Variants in HIVEP2 observed in about 807,000 individuals in gnomAD.
HIVEP2 encodes the protein HIVEP zinc finger 2.
Under a neutral mutation model 180.7 loss-of-function variants are expected in HIVEP2, and 14 were observed. The observed-to-expected ratio is 0.08, with a 90% CI of 0.05 to 0.12. HIVEP2 has a LOEUF of 0.12. Among genes scored for constraint, HIVEP2 ranks in the 10% least tolerant of loss-of-function variants. The probability of loss-of-function intolerance (pLI) is 1.00; values close to 1 mark genes in which losing one functional copy is unlikely to be tolerated. For missense variants in HIVEP2, 2,579 were observed against 3,008.5 expected (o/e 0.86, Z 3.34); for synonymous variants, 1,184 against 1,136.4 (o/e 1.04, Z -0.84).
intron 2 of HIVEP2, among the ~76,000 whole-genome samples, chr6:142,827,496 A>G (rs1377399432): frequency 6.6e-6 from 1 of 152,216 alleles, no homozygotes; most frequent in Non-Finnish European, 1.5e-5. Flanking sequence ...TGAGGACAGG[A>G]AAAGAACTGG....
chr6:142,777,648 C>CAA (rs58304452), intron 3 of HIVEP2, among the ~76,000 whole-genome samples: 5 of 27,708 alleles, frequency 1.8e-4, no homozygotes, highest in East Asian at 1.4e-3. Flanking sequence ...AACTCCATCT[C>CAA]AAAAAAAAAA....
At chr6:142,910,587 C>A (rs186057442) in intron 1 of HIVEP2, among the ~76,000 whole-genome samples, 2 of 152,146 alleles carry the variant, frequency 1.3e-5, no homozygotes, top group South Asian at 4.1e-4. Context: ...GGTGACACAG[C>A]GAGACTACGT....
chr6:142,846,126 CAA>C (rs1236415418), intron 1 of HIVEP2, among the ~76,000 whole-genome samples: 1 of 152,206 alleles, frequency 6.6e-6, no homozygotes, highest in Non-Finnish European at 1.5e-5. Context: ...GGCCAGCCGC[CAA>C]AGACGCCTGA....
chr6:142,809,627 T>C (rs944611032), intron 2 of HIVEP2, among the ~76,000 whole-genome samples: 1 of 150,118 alleles, frequency 6.7e-6, no homozygotes, highest in Non-Finnish European at 1.5e-5. Flanking sequence ...GGGGTCTCAC[T>C]CTGTCAGCCA....
rs766117774 is a variant in HIVEP2, at chr6:142,773,122, G to A, written c.1617C>T (p.Pro539=). 1.2e-5 allele frequency: 19 copies of A among 1,614,242 alleles called. No homozygotes were observed. The highest frequency in any genetic ancestry group is 1.3e-5 in the Non-Finnish European group (15 of 1,180,030). Residue 539 remains proline (P), a synonymous_variant, in exon 5 of 10, where the codon CCC becomes CCT. Transcript: ENST00000367603. ...VLLEAPVDSS[P]LIRSNSVPTS... is the part of the protein sequence containing the mutation. ...TTGGCACTGAGTTGCTTCTAATAAG[G>A]GGTGAAGAGTCTACAGGAGCTTCTA...
At chr6:142,847,365 T>C (rs1243341498) in intron 1 of HIVEP2, among the ~76,000 whole-genome samples, 3 of 151,776 alleles carry the variant, frequency 2.0e-5, no homozygotes, top group Non-Finnish European at 2.9e-5. Context: ...TATTTTAATA[T>C]AAGCAAACAC....
intron 1 of HIVEP2, among the ~76,000 whole-genome samples, chr6:142,843,693 A>G (rs1775431172): frequency 6.6e-6 from 1 of 152,214 alleles, no homozygotes; most frequent in Non-Finnish European, 1.5e-5. Flanking sequence ...GGCCTTGTTT[A>G]AAATTTGTCG....
intron 1 of HIVEP2, among the ~76,000 whole-genome samples, chr6:142,940,890 C>CCTCTGCTT (rs1778161085): frequency 6.6e-6 from 1 of 152,132 alleles, no homozygotes; most frequent in African/African-American, 2.4e-5. Context: ...GGTGAGACCC[C>CCTCTGCTT]CTCTGCTTTC....
chr6:142,756,441 CA>C (rs1775070370), intron 9 of HIVEP2, among the ~76,000 whole-genome samples: 1 of 152,138 alleles, frequency 6.6e-6, no homozygotes, highest in African/African-American at 2.4e-5. Flanking sequence ...CACGTTCTTT[CA>C]GGAACAAAAA....
intron 2 of HIVEP2, among the ~76,000 whole-genome samples, chr6:142,805,391 A>G (rs956984923): frequency 2.1e-5 from 3 of 139,574 alleles, no homozygotes; most frequent in Admixed American, 7.4e-5. Flanking sequence ...CTCAGAGAGT[A>G]TCATGGTAAT....
intron 2 of HIVEP2, among the ~76,000 whole-genome samples, chr6:142,803,566 T>TACACACACACACACACAC (rs10688831): frequency 0.019 from 2,748 of 141,638 alleles, 49 homozygotes; most frequent in African/African-American, 0.043. Context: ...ATATATAGCA[T>TACACACACACACACACAC]ACACACACAC....
At chr6:142,842,401 C>T (rs1253928296) in intron 1 of HIVEP2, among the ~76,000 whole-genome samples, 1 of 151,622 alleles carries the variant, frequency 6.6e-6, no homozygotes, top group African/African-American at 2.4e-5. Context: ...TTTACATAAC[C>T]GATATGGTAC....
chr6:142,899,679 C>T lies in HIVEP2; in HGVS notation c.-641+45420G>A, dbSNP rs182147851. Among the ~76,000 whole-genome samples the T allele has an allele frequency of 3.0e-3, 454 of 152,302 alleles. 1 individual carries two copies. The highest frequency in any genetic ancestry group is 0.01 in the African/African-American group (424 of 41,558). ...TATCTTTGTAAACTCTACGAGAGTG[C>T]AGCTCAAAGTGTAAGGCTGAAAACA... On this transcript the variant is annotated intron_variant, in intron 1 of 9. Coordinates refer to ENST00000367603, the MANE Select transcript of HIVEP2 (RefSeq NM_006734.4).
intron 1 of HIVEP2, among the ~76,000 whole-genome samples, chr6:142,893,267 T>A (rs375783150): frequency 6.6e-6 from 1 of 152,208 alleles, no homozygotes; most frequent in East Asian, 1.9e-4. Flanking sequence ...GTTTAGAGAG[T>A]AAATGAGGTC....
At chr6:142,867,227 A>G (rs1374745718) in intron 1 of HIVEP2, among the ~76,000 whole-genome samples, 4 of 151,872 alleles carry the variant, frequency 2.6e-5, no homozygotes, top group Admixed American at 2.6e-4. Context: ...TTTTCTTTGC[A>G]TGCTATTAAG....
rs200784689 is a variant in HIVEP2, at chr6:142,793,594, TC to T, written c.-527-9980del. Among the ~76,000 whole-genome samples the T allele has an allele frequency of 5.5e-3, 834 of 150,780 alleles. 5 individuals carry two copies. Among genetic ancestry groups the T allele is most frequent in the East Asian group, 0.024 (122 of 5,110 alleles). On this transcript the variant is annotated intron_variant, in intron 2 of 9. Transcript: ENST00000367603. ...ATTTATTAATTTCTTTCTTTCTACC[TC>T]CCCCCTCCCACCTCCCATCCTTCCT...
At chr6:142,928,729 C>A (rs763004130) in intron 1 of HIVEP2, among the ~76,000 whole-genome samples, 5 of 152,132 alleles carry the variant, frequency 3.3e-5, no homozygotes, top group Admixed American at 2.0e-4. Context: ...GAAATAGGCT[C>A]AGAGAACTGA....
At chr6:142,924,999 G>A (rs1777771383) in intron 1 of HIVEP2, among the ~76,000 whole-genome samples, 1 of 152,048 alleles carries the variant, frequency 6.6e-6, no homozygotes. Context: ...CATCTTTTGA[G>A]GCCACATAGT....
chr6:142,918,367 A>G (rs1777611509), intron 1 of HIVEP2, among the ~76,000 whole-genome samples: 1 of 152,144 alleles, frequency 6.6e-6, no homozygotes, highest in Non-Finnish European at 1.5e-5. Flanking sequence ...TTTCTATTAA[A>G]CGAACTCAAG....
Sources: gnomAD v4.1 joint callset for allele counts (sites outside exome capture counted in the v4.1 genomes callset) on GRCh38, gnomAD v4.1.1 for gene constraint, MANE v1.5 for transcripts, NCBI Gene and HGNC (gene_info 2026-07-23, HGNC 2026-07-21) for gene names.